Variants in ARHGAP32 observed in about 807,000 individuals in gnomAD.
ARHGAP32 encodes rho GTPase-activating protein 32.
In ARHGAP32, 51 loss-of-function variants were observed where a neutral mutation model predicts 186.5. The ratio of observed to expected loss-of-function variants is 0.27; its 90% CI spans 0.22 to 0.35. The LOEUF is 0.35. Among genes scored for constraint, ARHGAP32 ranks in the 10% least tolerant of loss-of-function variants. The probability of loss-of-function intolerance (pLI) is 1.00; values close to 1 mark genes in which losing one functional copy is unlikely to be tolerated. For synonymous variants in ARHGAP32, 950 were observed against 964.3 expected (o/e 0.99, Z 0.27); for missense variants, 2,186 against 2,623.5 (o/e 0.83, Z 3.64).
chr11:129,182,913 G>T (rs1437517440), intron 1 of ARHGAP32, among the ~76,000 whole-genome samples: 1 of 151,952 alleles, frequency 6.6e-6, no homozygotes, highest in East Asian at 1.9e-4. Context: ...CTCCCAAAAT[G>T]CTGGGATTAC....
intron 11 of ARHGAP32, among the ~76,000 whole-genome samples, chr11:129,003,742 A>G (rs1937627870): frequency 6.6e-6 from 1 of 151,818 alleles, no homozygotes; most frequent in Non-Finnish European, 1.5e-5. Context: ...CCTTTTTCAT[A>G]TCTGATTTTC....
rs550184447 is a variant in ARHGAP32, at chr11:129,088,130, T to A, written c.531+5491A>T. Among the ~76,000 whole-genome samples, 4 of 152,316 alleles carry A rather than the reference T, an allele frequency of 2.6e-5. No homozygotes were observed. In the East Asian group the frequency reaches 5.8e-4, roughly 22 times the overall value. On this transcript the variant is annotated intron_variant, in intron 6 of 22. Coordinates refer to ENST00000682385, the MANE Select transcript of ARHGAP32 (RefSeq NM_001378024.1). ...CAAAAAGTCTAATCTTTTATATACATCTCCATTTATAAAATTAAAACTCTA... is the reference window on the plus strand; with the variant it reads ...CAAAAAGTCTAATCTTTTATATACAACTCCATTTATAAAATTAAAACTCTA...
chr11:128,978,979 G>C (rs569141314), intron 18 of ARHGAP32, 64 bp from the exon 19 acceptor site: 2 of 1,443,352 alleles, frequency 1.4e-6, no homozygotes, highest in African/African-American at 2.9e-5. Context: ...TTACAGAAAA[G>C]AAATGAACAC....
intron 5 of ARHGAP32, among the ~76,000 whole-genome samples, chr11:129,119,667 A>C (rs1210206954): frequency 2.0e-5 from 3 of 152,008 alleles, no homozygotes; most frequent in South Asian, 4.1e-4. Context: ...TAAAACAAAG[A>C]GAGGGAGATG....
chr11:129,066,594 T>C (rs932716774), intron 7 of ARHGAP32, 137 bp downstream of exon 7: 43 of 683,586 alleles, frequency 6.3e-5, no homozygotes, highest in African/African-American at 5.6e-4. Flanking sequence ...TTACTAACTT[T>C]TCAGTTATGA....
intron 6 of ARHGAP32, among the ~76,000 whole-genome samples, chr11:129,091,742 G>A (rs1941583057): frequency 1.3e-5 from 2 of 152,084 alleles, no homozygotes; most frequent in South Asian, 2.1e-4. Flanking sequence ...AAAGGTGGCA[G>A]TCAAGAAACT....
intron 11 of ARHGAP32, among the ~76,000 whole-genome samples, chr11:129,003,001 G>T (rs1023103172): frequency 6.6e-6 from 1 of 151,972 alleles, no homozygotes; most frequent in African/African-American, 2.4e-5. Context: ...GTAGAGACGG[G>T]GTTTCACCTT....
rs1945491609 is a variant in ARHGAP32 at position 129,273,177 on chromosome 11, A to C, written c.-5+5969T>G. ...TTGCTTACTTATAATATTCCTTTTC[A>C]TAAAATAGTTTGTCTCCCCATGAAA... On this transcript the variant is annotated intron_variant, in intron 1 of 6. Coordinates refer to the ARHGAP32 transcript ENST00000525234. Among the ~76,000 whole-genome samples, 4 of 152,196 alleles carry C rather than the reference A, an allele frequency of 2.6e-5. No individual in the cohort carries two copies. In the South Asian group the frequency reaches 8.3e-4, roughly 32 times the overall value.
At chr11:129,264,177 G>A (rs945510444) in intron 1 of ARHGAP32, among the ~76,000 whole-genome samples, 2 of 152,162 alleles carry the variant, frequency 1.3e-5, no homozygotes, top group African/African-American at 4.8e-5. Context: ...CATGTATATG[G>A]GGTATCTAAA....
chr11:129,216,669 TAAAAAAA>T lies in ARHGAP32; in HGVS notation c.-4-52249_-4-52243del, dbSNP rs201308944. 7.3e-3 allele frequency among the ~76,000 whole-genome samples: 868 copies of T among 119,078 alleles called. 4 individuals carry two copies. The highest frequency in any genetic ancestry group is 0.01 in the Non-Finnish European group (608 of 58,832). 78.1% of individuals were successfully genotyped at this position (119,078 alleles called of 152,430 possible). A position where few individuals can be genotyped will look rare whatever the true frequency, so the allele number is the denominator to read the frequency against. ...CTGGGCGACAGAGTGAGACTGTCTT[TAAAAAAA>T]AAAAAAAAAAAAAAAAAGACAATCT... On this transcript the variant is annotated intron_variant, in intron 1 of 6. Transcript: ENST00000525234.
intron 6 of ARHGAP32, among the ~76,000 whole-genome samples, chr11:129,076,542 A>C (rs1941050189): frequency 6.6e-6 from 1 of 152,224 alleles, no homozygotes; most frequent in Admixed American, 6.5e-5. Flanking sequence ...AAATACCAAA[A>C]AATTTGGAGA....
At chr11:129,170,085 T>C (rs141127546) in intron 1 of ARHGAP32, among the ~76,000 whole-genome samples, 351 of 152,146 alleles carry the variant, frequency 2.3e-3, no homozygotes, top group African/African-American at 8.3e-3. Flanking sequence ...AAAAGGATAG[T>C]GACCGAATGA....
chr11:128,995,365 C>A (rs1400708679), intron 12 of ARHGAP32, among the ~76,000 whole-genome samples: 1 of 152,098 alleles, frequency 6.6e-6, no homozygotes, highest in African/African-American at 2.4e-5. Context: ...TGCCACCATG[C>A]CCAGCTCGTT....
intron 6 of ARHGAP32, among the ~76,000 whole-genome samples, chr11:129,087,227 A>C (rs1045236668): frequency 6.6e-6 from 1 of 152,260 alleles, no homozygotes; most frequent in Non-Finnish European, 1.5e-5. Flanking sequence ...GCAATCCTGT[A>C]ATCATGCTCC....
rs532168576 is a variant in ARHGAP32, at chr11:129,046,253, T to A, written c.964-5244A>T. On this transcript the variant is annotated intron_variant, in intron 10 of 22. Coordinates refer to ENST00000682385, the MANE Select transcript of ARHGAP32 (RefSeq NM_001378024.1). The stretch of plus-strand genomic sequence containing the variant: ...GTAGCTGGAAATAACTTCAAGAGCA[T>A]AAATGGTAAAATGTGGTAAAATAAT... Among the ~76,000 whole-genome samples the A allele has an allele frequency of 4.6e-5, 7 of 152,294 alleles. No homozygotes were observed. In the East Asian group the frequency reaches 1.3e-3, roughly 29 times the overall value.
chr11:129,001,236 A>C (rs1033558835), intron 11 of ARHGAP32, among the ~76,000 whole-genome samples: 11 of 152,202 alleles, frequency 7.2e-5, no homozygotes, highest in Admixed American at 7.2e-4. Flanking sequence ...ACTAATTTAC[A>C]TTCCCACCAA....
intron 5 of ARHGAP32, among the ~76,000 whole-genome samples, chr11:129,109,970 TTTTG>T (rs1430909613): frequency 2.6e-5 from 4 of 152,120 alleles, no homozygotes; most frequent in Non-Finnish European, 4.4e-5. Flanking sequence ...ATTTGTCTAT[TTTTG>T]TTTCTGTTGC....
intron 5 of ARHGAP32, among the ~76,000 whole-genome samples, chr11:129,114,779 C>T (rs970487550): frequency 2.0e-5 from 3 of 152,220 alleles, no homozygotes; most frequent in Non-Finnish European, 4.4e-5. Context: ...CCAAATCTAT[C>T]TTTGGAGTTA....
At chr11:129,195,984 T>C (rs184307817), upstream of ARHGAP32, among the ~76,000 whole-genome samples, 161 of 152,298 alleles carry the variant, frequency 1.1e-3, no homozygotes, top group Non-Finnish European at 1.8e-3. Flanking sequence ...CAAGCTTTTA[T>C]GGAGCTGAAG....
Sources: allele counts gnomAD v4.1 joint callset (sites outside exome capture counted in the v4.1 genomes callset), GRCh38; gene constraint gnomAD v4.1.1; transcripts MANE v1.5; gene names NCBI Gene and HGNC (gene_info 2026-07-23, HGNC 2026-07-21).